HHAT: variants seen among roughly 807,000 people sequenced by gnomAD.
HHAT encodes hedgehog acyltransferase.
Under a neutral mutation model 70.8 loss-of-function variants are expected in HHAT, and 47 were observed. The observed-to-expected ratio is 0.66, with a 90% confidence interval of 0.53 to 0.85. HHAT has a LOEUF of 0.85. Among genes scored for constraint, HHAT ranks in the 40% least tolerant of loss-of-function variants. The pLI, the probability that HHAT is intolerant of heterozygous loss-of-function variation, is 0.00. For missense variants in HHAT, 609 were observed against 604.8 expected (o/e 1.01, Z -0.07); for synonymous variants, 228 against 247.6 (o/e 0.92, Z 0.74).
chr1:210,407,670 A>G (rs1159698297), intron 6 of HHAT, among the ~76,000 whole-genome samples: 2 of 152,206 alleles, frequency 1.3e-5, no homozygotes, highest in African/African-American at 4.8e-5. Context: ...GGTGGCATTT[A>G]GAGTTTTAGG....
chr1:210,411,874 C>T (rs2092569603), intron 6 of HHAT, among the ~76,000 whole-genome samples: 1 of 152,188 alleles, frequency 6.6e-6, no homozygotes, highest in African/African-American at 2.4e-5. Context: ...CTCCTCTAGC[C>T]TCTACAGACT....
intron 9 of HHAT, among the ~76,000 whole-genome samples, chr1:210,562,096 T>C (rs2095628400): frequency 6.6e-6 from 1 of 152,152 alleles, no homozygotes; most frequent in South Asian, 2.1e-4. Flanking sequence ...GATGAAACCT[T>C]AATTATGAGA....
intron 6 of HHAT, among the ~76,000 whole-genome samples, chr1:210,410,212 C>T (rs188464355): frequency 1.4e-3 from 209 of 151,650 alleles, no homozygotes; most frequent in Middle Eastern, 3.4e-3. Context: ...GCCACCACGC[C>T]CAGCTAATTT....
At chr1:210,419,782 G>A (rs2092839527) in intron 7 of HHAT, among the ~76,000 whole-genome samples, 1 of 152,144 alleles carries the variant, frequency 6.6e-6, no homozygotes, top group Admixed American at 6.5e-5. Flanking sequence ...TGCTAATATT[G>A]TAAAGTTTTA....
chr1:210,491,801 C>T (rs560140022), intron 8 of HHAT, among the ~76,000 whole-genome samples: 1 of 152,216 alleles, frequency 6.6e-6, no homozygotes, highest in East Asian at 1.9e-4. Flanking sequence ...CTCACTCTGT[C>T]GTCCAGGGTG....
intron 9 of HHAT, among the ~76,000 whole-genome samples, chr1:210,524,385 G>A (rs1394127950): frequency 2.0e-5 from 3 of 152,290 alleles, no homozygotes; most frequent in African/African-American, 7.2e-5. Context: ...TAAGGCAGCG[G>A]GCAACACAGA....
intron 1 of HHAT, among the ~76,000 whole-genome samples, chr1:210,333,537 G>A (rs1422545068): frequency 6.6e-6 from 1 of 152,172 alleles, no homozygotes; most frequent in Non-Finnish European, 1.5e-5. Flanking sequence ...AGTAACTCCT[G>A]TAATTTCAAA....
intron 9 of HHAT, among the ~76,000 whole-genome samples, chr1:210,560,094 G>A (rs1573323556): frequency 2.6e-5 from 4 of 152,086 alleles, no homozygotes; most frequent in South Asian, 4.1e-4. Flanking sequence ...CCTTTCCCAC[G>A]AACTCTTAGG....
At chr1:210,577,097 T>C (rs1010195497) in intron 9 of HHAT, among the ~76,000 whole-genome samples, 5 of 151,182 alleles carry the variant, frequency 3.3e-5, no homozygotes, top group African/African-American at 1.2e-4. Context: ...GTCTTTAGGG[T>C]TTTTTACGTA....
chr1:210,598,145 G>A (rs1469694025), intron 10 of HHAT, among the ~76,000 whole-genome samples: 1 of 151,932 alleles, frequency 6.6e-6, no homozygotes, highest in Non-Finnish European at 1.5e-5. Context: ...TGGGATGGGG[G>A]CCTCAAAACT....
chr1:210,386,383 C>T (rs1244476994), intron 3 of HHAT, among the ~76,000 whole-genome samples: 10 of 148,700 alleles, frequency 6.7e-5, no homozygotes, highest in East Asian at 2.0e-4. Context: ...GGACTACAGG[C>T]GCCCGCCACT....
At chr1:210,390,517 T>C (rs1051831640) in intron 4 of HHAT, among the ~76,000 whole-genome samples, 5 of 152,228 alleles carry the variant, frequency 3.3e-5, no homozygotes, top group Non-Finnish European at 5.9e-5. Flanking sequence ...TTTTTTTTCT[T>C]TCAGTAGTTT....
At chr1:210,520,725 A>G (rs2095143860) in intron 9 of HHAT, among the ~76,000 whole-genome samples, 3 of 152,366 alleles carry the variant, frequency 2.0e-5, no homozygotes, top group Admixed American at 6.5e-5. Context: ...ATTTAAAATC[A>G]GAAAAGTATT....
At chr1:210,370,610 A>ATTT (rs10664778) in intron 3 of HHAT, among the ~76,000 whole-genome samples, 17,648 of 97,896 alleles carry the variant, frequency 0.18, 1,599 homozygotes, top group South Asian at 0.21. Context: ...TGCAGATGCT[A>ATTT]TTTTTTTTTT....
chr1:210,339,889 T>C (rs558161187), intron 1 of HHAT, among the ~76,000 whole-genome samples: 3 of 152,332 alleles, frequency 2.0e-5, no homozygotes, highest in African/African-American at 7.2e-5. Context: ...GTAGTGGGTA[T>C]ATATTTTAAA....
rs1365206510 is a variant in HHAT at position 210,524,397 on chromosome 1, A to G, written c.1043+11209A>G. Reference sequence around the variant, plus strand: ...TTTTAAGGCAGCGGGCAACACAGAGATGAGTGAGGAGGAAGGAGTCACCAG... The same window carrying G: ...TTTTAAGGCAGCGGGCAACACAGAGGTGAGTGAGGAGGAAGGAGTCACCAG... On this transcript the variant is annotated intron_variant, in intron 9 of 11. Transcript: ENST00000261458. Among the ~76,000 whole-genome samples, 3 of 152,118 alleles carry G rather than the reference A, an allele frequency of 2.0e-5. No homozygotes were observed. The East Asian group carries it at 5.8e-4, about 29-fold the overall frequency.
chr1:210,637,764 G>A (rs1173194538), intron 11 of HHAT, among the ~76,000 whole-genome samples: 1 of 151,428 alleles, frequency 6.6e-6, no homozygotes, highest in African/African-American at 2.4e-5. Context: ...GGAGGCTGAG[G>A]CAGGAGAATC....
intron 11 of HHAT, among the ~76,000 whole-genome samples, chr1:210,642,375 T>C (rs892208722): frequency 1.3e-5 from 2 of 152,194 alleles, no homozygotes; most frequent in Non-Finnish European, 2.9e-5. Context: ...GTTGAGTATA[T>C]ACTCAGGAAA....
chr1:210,535,777 G>T (rs1215482986), intron 9 of HHAT, among the ~76,000 whole-genome samples: 1 of 152,168 alleles, frequency 6.6e-6, no homozygotes, highest in African/African-American at 2.4e-5. Context: ...AAGACTCTGT[G>T]AATAGCACAT....
Sources: gnomAD v4.1 joint callset for allele counts (sites outside exome capture counted in the v4.1 genomes callset) on GRCh38, gnomAD v4.1.1 for gene constraint, MANE v1.5 for transcripts, NCBI Gene and HGNC (gene_info 2026-07-23, HGNC 2026-07-21) for gene names.